The following SORBS2 variants were observed in gnomAD, a reference collection of about 807,000 sequenced individuals.
SORBS2 encodes the protein sorbin and SH3 domain containing 2.
In SORBS2, 46 loss-of-function variants were observed where a neutral mutation model predicts 97.7. The ratio of observed to expected loss-of-function variants is 0.47; its 90% CI spans 0.37 to 0.60. The LOEUF (loss-of-function observed/expected upper bound fraction) is 0.60, where lower values mean the gene tolerates loss of function less well. Among genes scored for constraint, SORBS2 ranks in the 20% least tolerant of loss-of-function variants. The pLI is 0.00. For synonymous variants in SORBS2, 476 were observed against 473.4 expected, an observed-to-expected ratio of 1.01 and a Z score of -0.07; for missense variants, 1,316 against 1,282.3, an observed-to-expected ratio of 1.03 and a Z score of -0.40.
intron 5 of SORBS2, among the ~76,000 whole-genome samples, chr4:185,628,265 C>T (rs897553427): frequency 2.6e-5 from 4 of 151,020 alleles, no homozygotes; most frequent in African/African-American, 4.9e-5. Flanking sequence ...TATCTTTTCT[C>T]TATAAAGCGG....
At chr4:185,813,463 C>T (rs2099190378) in intron 1 of SORBS2, among the ~76,000 whole-genome samples, 1 of 152,194 alleles carries the variant, frequency 6.6e-6, no homozygotes, top group Admixed American at 6.5e-5. Flanking sequence ...TGGGAGAGTC[C>T]TCACCGCTTC....
chr4:185,723,059 T>C (rs940522291), intron 2 of SORBS2, among the ~76,000 whole-genome samples: 28 of 152,204 alleles, frequency 1.8e-4, no homozygotes, highest in African/African-American at 6.5e-4. Flanking sequence ...CCTAGCACAG[T>C]GCCTGCACAT....
chr4:185,603,762 A>T (rs909395399), intron 12 of SORBS2, among the ~76,000 whole-genome samples: 2 of 152,246 alleles, frequency 1.3e-5, no homozygotes, highest in African/African-American at 4.8e-5. Flanking sequence ...AAGGCCAGTC[A>T]TTAATTTTGT....
intron 12 of SORBS2, among the ~76,000 whole-genome samples, chr4:185,598,234 G>A (rs1384903991): frequency 5.4e-5 from 8 of 147,916 alleles, no homozygotes; most frequent in Non-Finnish European, 1.0e-4. Flanking sequence ...AGTAGAACAA[G>A]AGAAAAATCC....
At chr4:185,768,221 C>T (rs72703826) in intron 2 of SORBS2, among the ~76,000 whole-genome samples, 27,932 of 152,042 alleles carry the variant, frequency 0.18, 2,753 homozygotes, top group Middle Eastern at 0.27. Context: ...GCACACAGTA[C>T]GTACAAGGCT....
chr4:185,662,763 C>G (rs1022274582), intron 4 of SORBS2, among the ~76,000 whole-genome samples: 2 of 152,170 alleles, frequency 1.3e-5, no homozygotes, highest in Non-Finnish European at 2.9e-5. Context: ...ATGTATATAT[C>G]ATGAAGCAAC....
At chr4:185,630,869 TTAA>T (rs1383214735) in intron 4 of SORBS2, among the ~76,000 whole-genome samples, 1 of 152,084 alleles carries the variant, frequency 6.6e-6, no homozygotes, top group Non-Finnish European at 1.5e-5. Context: ...TGGGGGGAAA[TTAA>T]TAATATTTTC....
intron 1 of SORBS2, among the ~76,000 whole-genome samples, chr4:185,903,799 G>A (rs541547015): frequency 1.2e-4 from 18 of 152,270 alleles, no homozygotes; most frequent in African/African-American, 4.3e-4. Flanking sequence ...CCTGGCTTTG[G>A]TTGTAAAGGA....
At chr4:185,866,964 A>G (rs940890503) in intron 1 of SORBS2, among the ~76,000 whole-genome samples, 2 of 152,208 alleles carry the variant, frequency 1.3e-5, no homozygotes, top group Non-Finnish European at 2.9e-5. Context: ...CTTCAGGAGT[A>G]ACGCAATGTA....
intron 1 of SORBS2, among the ~76,000 whole-genome samples, chr4:185,910,970 A>AAC (rs2099254722): frequency 6.6e-6 from 1 of 152,140 alleles, no homozygotes; most frequent in Non-Finnish European, 1.5e-5. Context: ...TAAAAAAAAA[A>AAC]AACTTCCCTT....
At chr4:185,895,773 C>G (rs2099244730) in intron 1 of SORBS2, among the ~76,000 whole-genome samples, 1 of 152,220 alleles carries the variant, frequency 6.6e-6, no homozygotes, top group Non-Finnish European at 1.5e-5. Context: ...TTAACAATTT[C>G]TTTTTCAGAG....
At chr4:185,676,888 G>T in intron 4 of SORBS2, 1 of 849,140 alleles carries the variant, frequency 1.2e-6, no homozygotes, top group South Asian at 1.9e-5. Flanking sequence ...TTCCCTTCCT[G>T]CTTGGAAACT....
intron 1 of SORBS2, among the ~76,000 whole-genome samples, chr4:185,904,894 C>T (rs889624525): frequency 2.0e-5 from 3 of 152,028 alleles, no homozygotes; most frequent in Non-Finnish European, 4.4e-5. Context: ...CACCTGAGGT[C>T]GGGGGTTCGA....
At chr4:185,632,607 G>A (rs951624984) in intron 4 of SORBS2, among the ~76,000 whole-genome samples, 2 of 152,206 alleles carry the variant, frequency 1.3e-5, no homozygotes, top group Non-Finnish European at 2.9e-5. Flanking sequence ...ATCGGCGTCT[G>A]TGCAGATCAC....
chr4:185,793,527 G>A (rs532405272), intron 1 of SORBS2, among the ~76,000 whole-genome samples: 4 of 152,204 alleles, frequency 2.6e-5, no homozygotes, highest in Non-Finnish European at 5.9e-5. Flanking sequence ...ACATGATCAC[G>A]GAAAGTCAAA....
In SORBS2 at chr4:185,614,629, G is replaced by C. The variant is rs184361727; in HGVS notation, c.2595+202C>G. On this transcript the variant is annotated intron_variant, in intron 11 of 14. Transcript: ENST00000418609. ...AGGGAGAAGCCTGGTATCCCACGGGGAACTCCTCTAAAAGGACACAGGGAC... is the reference window on the plus strand; with the variant it reads ...AGGGAGAAGCCTGGTATCCCACGGGCAACTCCTCTAAAAGGACACAGGGAC... 2,077 of 574,872 alleles carry C rather than the reference G, an allele frequency of 3.6e-3. 7 individuals are homozygous for C. Among genetic ancestry groups the C allele is most frequent in the Non-Finnish European group, 4.8e-3 (1,629 of 339,080 alleles). The allele number at this position is 574,872 out of a possible 1,614,324, so 35.6% of individuals were successfully genotyped here. A position where few individuals can be genotyped will look rare whatever the true frequency, so the allele number is the denominator to read the frequency against.
At chr4:185,678,731 G>T in intron 3 of SORBS2, 65 bp downstream of exon 6, 4 of 1,197,378 alleles carry the variant, frequency 3.3e-6, no homozygotes, top group Non-Finnish European at 4.6e-6. Flanking sequence ...CAGCGATGTG[G>T]CTATGAATAT....
intron 1 of SORBS2, among the ~76,000 whole-genome samples, chr4:185,831,420 C>G (rs541048219): frequency 6.6e-6 from 1 of 152,366 alleles, no homozygotes; most frequent in East Asian, 1.9e-4. Context: ...AAGTACATCA[C>G]TCTTGACCTT....
rs1047880638 is a variant in SORBS2 at position 185,918,904 on chromosome 4, G to A, written c.-338+37292C>T. ...AGTACATCACAATGGATGCACAAAT[G>A]ATCTGTATAATATATACATGTAACT... On this transcript the variant is annotated intron_variant, in intron 1 of 20. Transcript: ENST00000284776. Among the ~76,000 whole-genome samples the A allele has an allele frequency of 1.7e-4, 26 of 152,176 alleles. No individual in the cohort carries two copies. In the East Asian group the frequency reaches 5.0e-3, roughly 29 times the overall value.
Sources: gnomAD v4.1 joint callset for allele counts (sites outside exome capture counted in the v4.1 genomes callset) on GRCh38, gnomAD v4.1.1 for gene constraint, MANE v1.5 for transcripts, NCBI Gene and HGNC (gene_info 2026-07-23, HGNC 2026-07-21) for gene names.